MDH2: variants seen among roughly 807,000 people sequenced by gnomAD.
MDH2 encodes the protein malate dehydrogenase, mitochondrial.
In MDH2, 25 loss-of-function variants were observed where a neutral mutation model predicts 33.6. That is an observed-to-expected ratio of 0.74 (90% CI 0.54 to 1.04). The LOEUF (loss-of-function observed/expected upper bound fraction) is 1.04. Among genes scored for constraint, MDH2 ranks in the 50% least tolerant of loss-of-function variants. The pLI is 0.00. For synonymous variants in MDH2, 193 were observed against 188.7 expected, an observed-to-expected ratio of 1.02 and a Z score of -0.19; for missense variants, 432 against 445.0, an observed-to-expected ratio of 0.97 and a Z score of 0.26.
At position 76,049,989 on chromosome 7, in the gene MDH2, G is replaced by A. The variant is rs1554585173; in HGVS notation, c.66+1763G>A. 2.6e-5 allele frequency among the ~76,000 whole-genome samples: 4 copies of A among 152,016 alleles called. No individual in the cohort carries two copies. The South Asian group carries it at 8.3e-4, about 32-fold the overall frequency. On this transcript the variant is annotated intron_variant, in intron 1 of 8. Coordinates refer to ENST00000315758, the MANE Select transcript of MDH2 (RefSeq NM_005918.4). ...TGGGACTACAGGCGCGCACCACCGT[G>A]CCCAGCTAATTTTTGTGTTTTTAGT... is the stretch of plus-strand genomic sequence containing the variant.
In MDH2 at chr7:76,064,439, G is replaced by T; in HGVS notation, c.733+1G>T. The T allele has an allele frequency of 6.2e-7, 1 of 1,611,546 alleles. No homozygotes were observed. The highest frequency in any genetic ancestry group is 8.5e-7 in the Non-Finnish European group (1 of 1,178,982). On this transcript the variant is annotated splice_donor_variant, in intron 7 of 8. Coordinates refer to ENST00000315758, the MANE Select transcript of MDH2 (RefSeq NM_005918.4). LOFTEE classifies it high-confidence loss of function. ...GTGGTCAAGGCTAAAGCCGGAGCAG[G>T]TAGAGTCTCAGGCAGCCCCGGGGCT...
intron 8 of MDH2, 122 bp from the exon 9 acceptor site, chr7:76,066,157 G>T: frequency 7.9e-7 from 1 of 1,258,422 alleles, no homozygotes; most frequent in East Asian, 2.4e-5. Context: ...TCCCCAGCAA[G>T]GCACCCAGAA....
At chr7:76,050,367 C>G (rs927157076) in intron 1 of MDH2, among the ~76,000 whole-genome samples, 1 of 152,166 alleles carries the variant, frequency 6.6e-6, no homozygotes, top group Non-Finnish European at 1.5e-5. Flanking sequence ...GTAGGCCTCA[C>G]GCAGAGTGAG....
chr7:76,060,323 C>G, intron 4 of MDH2, 50 bp from the exon 5 acceptor site: 1 of 1,605,212 alleles, frequency 6.2e-7, no homozygotes, highest in Non-Finnish European at 8.5e-7. Flanking sequence ...GTGGCTTGGC[C>G]CTGCTCTCGG....
chr7:76,058,318 G>A (rs1479055133), intron 4 of MDH2: 4 of 494,996 alleles, frequency 8.1e-6, no homozygotes, highest in Non-Finnish European at 1.5e-5. Flanking sequence ...CTTGTGCTGT[G>A]GGCAGACCAC....
intron 1 of MDH2, among the ~76,000 whole-genome samples, chr7:76,051,628 G>C (rs1336631294): frequency 6.6e-6 from 1 of 152,164 alleles, no homozygotes; most frequent in Non-Finnish European, 1.5e-5. Context: ...GCTGGATCCT[G>C]TATCTTTAAC....
chr7:76,051,832 G>T lies in MDH2; in HGVS notation c.67-2998G>T, dbSNP rs187211702. Among the ~76,000 whole-genome samples the T allele has an allele frequency of 3.9e-4, 59 of 152,302 alleles. No homozygotes were observed. In the East Asian group the frequency reaches 9.1e-3, roughly 23 times the overall value. ...CACAGTTGCCAAGCAGTGTGCTGTT[G>T]ATAGCCACTCTGCCACCCAGCAAAG... On this transcript the variant is annotated intron_variant, in intron 1 of 8. Transcript: ENST00000315758.
chr7:76,057,793 T>C (rs1237438314), intron 3 of MDH2, among the ~76,000 whole-genome samples, 176 bp from the exon 4 acceptor site: 1 of 152,180 alleles, frequency 6.6e-6, no homozygotes, highest in African/African-American at 2.4e-5. Flanking sequence ...GCTCCACCCA[T>C]GCAGACCTCG....
Position 76,066,516 on chromosome 7 carries a change from T to C in MDH2, c.*106T>C, listed in dbSNP as rs552157423. 15 of 1,343,144 alleles carry C rather than the reference T, an allele frequency of 1.1e-5. No individual in the cohort carries two copies. In the East Asian group the frequency reaches 1.8e-4, roughly 16 times the overall value. 83.2% of individuals were successfully genotyped at this position (1,343,144 alleles called of 1,614,324 possible). A position where few individuals can be genotyped will look rare whatever the true frequency, so the allele number is the denominator to read the frequency against. On this transcript the variant is annotated 3_prime_UTR_variant, in exon 9 of 9. Coordinates refer to ENST00000315758, the MANE Select transcript of MDH2 (RefSeq NM_005918.4). ...TTTAATTTGCTTTGGTGATGATTAC[T>C]GTATTGACATCATCATGCCTTCCAA...
intron 1 of MDH2, chr7:76,049,123 C>G (rs901427085): frequency 2.8e-5 from 28 of 984,388 alleles, no homozygotes; most frequent in Non-Finnish European, 3.1e-5. Context: ...AATTTATCAT[C>G]GAAGTTCTCG....
chr7:76,056,165 A>T (rs918680826), intron 2 of MDH2, among the ~76,000 whole-genome samples: 2 of 152,198 alleles, frequency 1.3e-5, no homozygotes, highest in African/African-American at 4.8e-5. Flanking sequence ...GCTGTAATTT[A>T]TCATTTATGA....
chr7:76,057,904 C>T lies in MDH2; in HGVS notation c.320-65C>T, dbSNP rs547084181. 2.2e-5 allele frequency: 33 copies of T among 1,489,466 alleles called. 2 individuals carry two copies. In the South Asian group the frequency reaches 3.7e-4, roughly 17 times the overall value. 92.3% of individuals were successfully genotyped at this position (1,489,466 alleles called of 1,614,324 possible). On this transcript the variant is annotated intron_variant, in intron 3 of 8. Transcript: ENST00000315758. ...ATTTCCTGTAACAGCTGGCGCTCAG[C>T]ACATGCTGCCTGTCTGGAAATTTGT...
chr7:76,066,456 T>C lies in MDH2; in HGVS notation c.*46T>C. On this transcript the variant is annotated 3_prime_UTR_variant, in exon 9 of 9. Coordinates refer to ENST00000315758, the MANE Select transcript of MDH2 (RefSeq NM_005918.4). ...GTTTCCTTAATTTATGAAGGCATCA[T>C]GTCACTGCAAAGCCGTTGCAGATAA... 1 of 1,581,018 alleles carries C rather than the reference T, an allele frequency of 6.3e-7. No individual in the cohort carries two copies. Among genetic ancestry groups the C allele is most frequent in the Admixed American group, 1.8e-5 (1 of 54,876 alleles).
chr7:76,066,609 G>A lies in MDH2; in HGVS notation c.*199G>A. On this transcript the variant is annotated 3_prime_UTR_variant, in exon 9 of 9. Coordinates refer to ENST00000315758, the MANE Select transcript of MDH2 (RefSeq NM_005918.4). ...GATTTTATTTTTCAAGGTCCCTTCT[G>A]TAAATGCTGTGCTTTCTTCCCTGTG... 1 of 555,302 alleles carries A rather than the reference G, an allele frequency of 1.8e-6. No homozygotes were observed. Among genetic ancestry groups the A allele is most frequent in the Admixed American group, 3.9e-5 (1 of 25,798 alleles). 34.4% of individuals were successfully genotyped at this position (555,302 alleles called of 1,614,324 possible).
intron 1 of MDH2, 95 bp downstream of exon 1, chr7:76,048,321 A>G: frequency 2.1e-6 from 3 of 1,433,732 alleles, no homozygotes; most frequent in Non-Finnish European, 9.2e-7. Flanking sequence ...TCTCCAGGCC[A>G]GCCTGGACCG....
In MDH2 at chr7:76,064,795, C is replaced by T. The variant is rs932238853; in HGVS notation, c.734-7C>T. ...CCAGCCAGGCTGACCTGTCTGTGCCCCCCTAGGCTCTGCCACCCTCTCCAT... is the reference window on the plus strand; with the variant it reads ...CCAGCCAGGCTGACCTGTCTGTGCCTCCCTAGGCTCTGCCACCCTCTCCAT... On this transcript the variant is annotated splice_region_variant and splice_polypyrimidine_tract_variant and intron_variant, in intron 7 of 8. Transcript: ENST00000315758. The T allele has an allele frequency of 2.5e-6, 4 of 1,612,778 alleles. No individual in the cohort carries two copies. In the African/African-American group the frequency reaches 4.0e-5, roughly 16 times the overall value.
intron 4 of MDH2, 112 bp downstream of exon 4, chr7:76,058,190 G>A (rs1585406152): frequency 1.0e-6 from 1 of 978,946 alleles, no homozygotes; most frequent in Admixed American, 2.1e-5. Context: ...GGGGGATGGG[G>A]GGATACACAG....
rs782487192 is a variant in MDH2, at chr7:76,064,812, C to T, written c.744C>T (p.Thr248=). ...VKAKAGAGSA[T]LSMAYAGARF... ...TCTGTGCCCCCCTAGGCTCTGCCAC[C>T]CTCTCCATGGCGTATGCCGGCGCCC... The change falls in exon 8 of 9, where the codon ACC becomes ACT. Residue 248 remains threonine, a synonymous_variant. Transcript: ENST00000315758. 13 of 1,613,948 alleles carry T rather than the reference C, an allele frequency of 8.1e-6. No homozygotes were observed. The East Asian group carries it at 2.0e-4, about 25-fold the overall frequency.
intron 8 of MDH2, among the ~76,000 whole-genome samples, chr7:76,065,396 C>T (rs1311185396): frequency 2.0e-5 from 3 of 152,192 alleles, no homozygotes; most frequent in African/African-American, 4.8e-5. Flanking sequence ...AGGTCTTACT[C>T]ATACCCCCTC....
Sources: gnomAD v4.1 joint callset for allele counts (sites outside exome capture counted in the v4.1 genomes callset) on GRCh38, gnomAD v4.1.1 for gene constraint, MANE v1.5 for transcripts, NCBI Gene and HGNC (gene_info 2026-07-23, HGNC 2026-07-21) for gene names.